CSMD1: variants seen among roughly 807,000 people sequenced by gnomAD.
CSMD1 encodes the protein CUB and Sushi multiple domains 1.
In CSMD1, 213 loss-of-function variants were observed where a neutral mutation model predicts 417.5. The ratio of observed to expected loss-of-function variants is 0.51; its 90% CI spans 0.46 to 0.57. The LOEUF is 0.57. CSMD1 is among the 20% of genes least tolerant of loss of function. The pLI is 0.00. For synonymous variants in CSMD1, 2,862 were observed against 1,736.8 expected (o/e 1.65, Z -16.11); for missense variants, 6,923 against 4,529.7 (o/e 1.53, Z -15.17).
chr8:3,123,675 A>G lies in CSMD1; in HGVS notation c.6242-5088T>C, dbSNP rs138851583. Among the ~76,000 whole-genome samples, 284 of 152,362 alleles carry G rather than the reference A, an allele frequency of 1.9e-3. 1 individual carries two copies. The highest frequency in any genetic ancestry group is 6.5e-3 in the African/African-American group (270 of 41,582). The stretch of plus-strand genomic sequence containing the variant: ...GGAGAAGCAAATAAAACTAGATTCA[A>G]TAGAACCTCATCTTCATTAGAAGAT... On this transcript the variant is annotated intron_variant, in intron 41 of 69. Transcript: ENST00000635120.
intron 1 of CSMD1, among the ~76,000 whole-genome samples, chr8:4,777,356 T>C (rs148387022): frequency 6.6e-6 from 1 of 152,236 alleles, no homozygotes; most frequent in Non-Finnish European, 1.5e-5. Flanking sequence ...GTAGATGAGA[T>C]GTCTGGTTTT....
intron 3 of CSMD1, among the ~76,000 whole-genome samples, chr8:4,368,019 GA>G (rs562781580): frequency 6.6e-5 from 10 of 152,172 alleles, no homozygotes; most frequent in Admixed American, 4.6e-4. Flanking sequence ...TTTCTTGGCT[GA>G]TTGCTCTGGC....
intron 5 of CSMD1, among the ~76,000 whole-genome samples, chr8:3,793,402 G>C (rs866897213): frequency 2.6e-5 from 4 of 151,540 alleles, no homozygotes; most frequent in African/African-American, 4.9e-5. Flanking sequence ...ATTTTTCCTT[G>C]CCTACTTTCA....
chr8:4,863,044 C>A (rs369735489), intron 1 of CSMD1, among the ~76,000 whole-genome samples: 2 of 151,972 alleles, frequency 1.3e-5, no homozygotes, highest in Non-Finnish European at 2.9e-5. Flanking sequence ...TTGGGCTTGA[C>A]AATGTGAGGT....
intron 2 of CSMD1, among the ~76,000 whole-genome samples, chr8:4,430,749 T>G (rs1294059557): frequency 6.6e-6 from 1 of 152,150 alleles, no homozygotes; most frequent in Non-Finnish European, 1.5e-5. Context: ...AGCATCCACA[T>G]AATGTATGTT....
intron 18 of CSMD1, chr8:3,373,688 T>A (rs1013215439): frequency 2.0e-5 from 3 of 152,216 alleles, no homozygotes; most frequent in South Asian, 4.1e-4. Context: ...TGAATTATGT[T>A]AATCTGTTTC....
chr8:3,642,248 C>T (rs1463375332), intron 7 of CSMD1, among the ~76,000 whole-genome samples: 1 of 152,006 alleles, frequency 6.6e-6, no homozygotes, highest in South Asian at 2.1e-4. Flanking sequence ...CAAGAAGTCA[C>T]ATACACTCTT....
At chr8:3,018,353 G>T in intron 52 of CSMD1, 124 bp downstream of exon 52, 1 of 811,140 alleles carries the variant, frequency 1.2e-6, no homozygotes, top group Non-Finnish European at 1.9e-6. Flanking sequence ...ACTGGGAGGT[G>T]CAGCATTTCC....
intron 1 of CSMD1, among the ~76,000 whole-genome samples, chr8:4,912,575 G>A (rs1423859937): frequency 6.6e-6 from 1 of 152,158 alleles, no homozygotes; most frequent in Non-Finnish European, 1.5e-5. Flanking sequence ...AGTCTGAAAT[G>A]AACACTCTCA....
chr8:4,125,004 A>T (rs73176311), intron 3 of CSMD1, among the ~76,000 whole-genome samples: 13,961 of 152,002 alleles, frequency 0.092, 801 homozygotes, highest in Middle Eastern at 0.14. Context: ...CACTTTCATA[A>T]ATCTTGCCGC....
intron 3 of CSMD1, among the ~76,000 whole-genome samples, chr8:4,165,758 G>C (rs1797421796): frequency 6.6e-6 from 1 of 152,082 alleles, no homozygotes; most frequent in African/African-American, 2.4e-5. Context: ...TTTCTTCCTG[G>C]TCATGCCATG....
intron 6 of CSMD1, among the ~76,000 whole-genome samples, chr8:3,713,840 G>C (rs186073615): frequency 2.6e-4 from 40 of 152,228 alleles, no homozygotes; most frequent in Non-Finnish European, 4.7e-4. Flanking sequence ...TGGGAGAAAT[G>C]GGTGAAAAAT....
At chr8:3,478,637 A>T (rs1389736067) in intron 11 of CSMD1, among the ~76,000 whole-genome samples, 1 of 152,128 alleles carries the variant, frequency 6.6e-6, no homozygotes, top group Admixed American at 6.5e-5. Context: ...CTGAACAGGC[A>T]ACAGAAGGAC....
chr8:3,451,136 T>C (rs10111049), intron 12 of CSMD1, among the ~76,000 whole-genome samples: 16,698 of 152,288 alleles, frequency 0.11, 969 homozygotes, highest in Middle Eastern at 0.18. Flanking sequence ...TCTGTTCATA[T>C]CCTTCGCCCA....
Position 4,464,496 on chromosome 8 carries a change from A to G in CSMD1, c.303-44431T>C, listed in dbSNP as rs181563603. On this transcript the variant is annotated intron_variant, in intron 2 of 69. Coordinates refer to ENST00000635120, the MANE Select transcript of CSMD1 (RefSeq NM_033225.6). Reference sequence around the variant, plus strand: ...CACCTAAGTCAAAGCTTATTTTATAATAACACATTGAGTATCTCGTGTCAT... The same window carrying G: ...CACCTAAGTCAAAGCTTATTTTATAGTAACACATTGAGTATCTCGTGTCAT... Among the ~76,000 whole-genome samples the G allele has an allele frequency of 1.7e-3, 265 of 152,338 alleles. 3 individuals are homozygous for G. In the South Asian group the frequency reaches 0.019, roughly 11 times the overall value.
rs765833789 is a variant in CSMD1 at position 3,938,515 on chromosome 8, T to C, written c.818+59388A>G. Among the ~76,000 whole-genome samples the C allele has an allele frequency of 4.6e-5, 7 of 152,112 alleles. 1 individual carries two copies. The highest frequency in any genetic ancestry group is 3.3e-4 in the Admixed American group (5 of 15,260). On this transcript the variant is annotated intron_variant, in intron 5 of 69. Coordinates refer to ENST00000635120, the MANE Select transcript of CSMD1 (RefSeq NM_033225.6). ...GGGGAGAAGGTTTCCTCGGCAACAA[T>C]GGACAGACTCTGTTGGGGGATGATT...
intron 7 of CSMD1, among the ~76,000 whole-genome samples, chr8:3,658,202 A>T (rs1197747013): frequency 6.6e-6 from 1 of 152,152 alleles, no homozygotes; most frequent in East Asian, 1.9e-4. Flanking sequence ...AACTGTATTC[A>T]AATATGACTC....
chr8:4,796,019 G>A (rs1013917634), intron 1 of CSMD1, among the ~76,000 whole-genome samples: 5 of 152,090 alleles, frequency 3.3e-5, no homozygotes, highest in African/African-American at 9.7e-5. Context: ...ACAGCTAAGG[G>A]CAAGGCTTCA....
At chr8:4,769,054 G>C (rs998634073) in intron 1 of CSMD1, among the ~76,000 whole-genome samples, 1 of 152,190 alleles carries the variant, frequency 6.6e-6, no homozygotes, top group Non-Finnish European at 1.5e-5. Flanking sequence ...ATATCATTTA[G>C]AATGTGTGAG....
Sources: allele counts gnomAD v4.1 joint callset (sites outside exome capture counted in the v4.1 genomes callset), GRCh38; gene constraint gnomAD v4.1.1; transcripts MANE v1.5; gene names NCBI Gene and HGNC (gene_info 2026-07-23, HGNC 2026-07-21).